The following EPB41 variants were observed in gnomAD, a reference collection of about 807,000 sequenced individuals.
The protein encoded by EPB41 is protein 4.1.
A neutral mutation model predicts 108.0 loss-of-function variants in EPB41; 65 were observed. The observed-to-expected ratio is 0.60, with a 90% CI of 0.49 to 0.74. EPB41 has a LOEUF of 0.74. Ranked by LOEUF, EPB41 falls within the 30% of genes least tolerant of loss-of-function variation. The pLI is 0.00. For missense variants in EPB41, 875 were observed against 1,037.0 expected (o/e 0.84, Z 2.15); for synonymous variants, 336 against 358.9 (o/e 0.94, Z 0.72).
rs374138601 is a variant in EPB41, at chr1:28,894,967, G to A, written c.-8+7757G>A. On this transcript the variant is annotated intron_variant, in intron 1 of 16. Transcript: ENST00000347529. ...TCCCAGCAGACTGGCCAGGGCCCTG[G>A]GATAAGGGCTGGGCTCTGCCTGGTG... Among the ~76,000 whole-genome samples the A allele has an allele frequency of 3.3e-4, 51 of 152,278 alleles. No individual in the cohort carries two copies. The East Asian group carries it at 9.3e-3, about 28-fold the overall frequency.
At chr1:28,951,518 G>A (rs971488501) in intron 1 of EPB41, among the ~76,000 whole-genome samples, 4 of 152,178 alleles carry the variant, frequency 2.6e-5, no homozygotes, top group African/African-American at 9.7e-5. Flanking sequence ...GGCCTAGGCA[G>A]ACAGAAGTTG....
At chr1:29,040,150 C>T (rs964605415) in intron 11 of EPB41, among the ~76,000 whole-genome samples, 28 of 152,006 alleles carry the variant, frequency 1.8e-4, no homozygotes, top group Non-Finnish European at 3.1e-4. Context: ...GCAGTGTGCA[C>T]CTCTGTACTC....
intron 7 of EPB41, among the ~76,000 whole-genome samples, chr1:29,029,295 T>C (rs1415159707): frequency 1.2e-4 from 18 of 152,208 alleles, no homozygotes; most frequent in Non-Finnish European, 2.9e-5. Context: ...GATGCTTCAG[T>C]GCTTGTGAAA....
chr1:28,993,837 T>C (rs1572098384), intron 3 of EPB41, among the ~76,000 whole-genome samples: 1 of 151,972 alleles, frequency 6.6e-6, no homozygotes, highest in Non-Finnish European at 1.5e-5. Flanking sequence ...TTTGTATTTT[T>C]AGTAGAGACA....
At chr1:29,024,687 C>T (rs1012466100) in intron 7 of EPB41, among the ~76,000 whole-genome samples, 1 of 151,674 alleles carries the variant, frequency 6.6e-6, no homozygotes, top group East Asian at 1.9e-4. Context: ...AATTCTTATC[C>T]TCACTTCACA....
chr1:29,075,444 C>A (rs1653620917), intron 16 of EPB41, among the ~76,000 whole-genome samples: 3 of 152,126 alleles, frequency 2.0e-5, no homozygotes, highest in South Asian at 4.1e-4. Context: ...CGCCACTGTA[C>A]TCCAGCCTGG....
At chr1:28,891,118 T>C (rs1569859526) in intron 1 of EPB41, 2 of 441,812 alleles carry the variant, frequency 4.5e-6, no homozygotes, top group Non-Finnish European at 6.0e-6. Context: ...GGTGCAAGAC[T>C]GGGCACTGAA....
intron 1 of EPB41, chr1:28,982,577 G>T (rs1352746069): frequency 8.0e-6 from 12 of 1,504,816 alleles, no homozygotes; most frequent in Non-Finnish European, 1.1e-5. Flanking sequence ...GCCAGGACAA[G>T]CACCACCTTC....
intron 1 of EPB41, among the ~76,000 whole-genome samples, chr1:28,898,856 A>G (rs1214572590): frequency 6.6e-6 from 1 of 152,240 alleles, no homozygotes; most frequent in African/African-American, 2.4e-5. Context: ...GCCTTGAAAC[A>G]GGACACATAT....
intron 1 of EPB41, among the ~76,000 whole-genome samples, chr1:28,931,822 C>T (rs2093765058): frequency 6.6e-6 from 1 of 152,088 alleles, no homozygotes; most frequent in South Asian, 2.1e-4. Context: ...GCGTGAGCCA[C>T]CGCGCCCGAC....
chr1:29,096,683 G>A, intron 16 of EPB41: 1 of 801,306 alleles, frequency 1.2e-6, no homozygotes, highest in Non-Finnish European at 1.5e-6. Context: ...AGGAGGTGGT[G>A]GTGGTATGGT....
At chr1:29,003,912 A>G (rs2096351701) in intron 4 of EPB41, among the ~76,000 whole-genome samples, 1 of 152,076 alleles carries the variant, frequency 6.6e-6, no homozygotes, top group Admixed American at 6.6e-5. Flanking sequence ...ACAGGCGCCC[A>G]CCACCACAGC....
intron 18 of EPB41, among the ~76,000 whole-genome samples, chr1:29,110,239 G>C (rs1252822020): frequency 6.6e-6 from 1 of 152,062 alleles, no homozygotes; most frequent in Non-Finnish European, 1.5e-5. Context: ...CGGCTACTTG[G>C]GAGGCTGAGG....
At chr1:28,969,818 G>A (rs530054251) in intron 1 of EPB41, among the ~76,000 whole-genome samples, 3 of 152,212 alleles carry the variant, frequency 2.0e-5, no homozygotes, top group East Asian at 1.9e-4. Flanking sequence ...GGAGAATGGC[G>A]TGAACCTGGG....
At chr1:29,070,324 A>G (rs1650733826) in intron 16 of EPB41, 3 of 1,219,324 alleles carry the variant, frequency 2.5e-6, no homozygotes, top group African/African-American at 1.6e-5. Flanking sequence ...CATTTTGTTC[A>G]TCTTATTCTG....
intron 1 of EPB41, among the ~76,000 whole-genome samples, chr1:28,953,457 A>G (rs1325303762): frequency 6.6e-6 from 1 of 152,182 alleles, no homozygotes; most frequent in East Asian, 1.9e-4. Context: ...GACCAGATGA[A>G]ACATAGACAA....
chr1:29,060,421 GA>G lies in EPB41; in HGVS notation c.1949del (p.Lys650ArgfsTer5). On this transcript the variant is annotated frameshift_variant and splice_region_variant, in exon 15 of 21. Transcript: ENST00000343067. LOFTEE classifies it high-confidence loss of function. Reference protein sequence around the residue: ...KTEDLIRMRKKKRERLDGENI... With the variant: ...KTEDLIRMRKXKRERLDGENI... ...TGTTTTCCCCCCTTTCATTTTCACA[GA>G]AAAAGAGAGAAAGACTAGATGGTGA... 6.2e-7 allele frequency: 1 copy of G among 1,611,682 alleles called. No homozygotes were observed. The highest frequency in any genetic ancestry group is 1.3e-5 in the African/African-American group (1 of 74,946).
intron 1 of EPB41, among the ~76,000 whole-genome samples, chr1:28,895,933 A>ACACACACT (rs2090616812): frequency 6.6e-6 from 1 of 152,174 alleles, no homozygotes; most frequent in Admixed American, 6.5e-5. Context: ...AAATTCATGC[A>ACACACACT]CACACACTGC....
intron 1 of EPB41, among the ~76,000 whole-genome samples, chr1:28,955,155 C>G (rs2094893172): frequency 6.6e-6 from 1 of 152,184 alleles, no homozygotes. Flanking sequence ...AGCGTTACCA[C>G]TTGCTAATAA....
Sources: gnomAD v4.1 joint callset for allele counts (sites outside exome capture counted in the v4.1 genomes callset) on GRCh38, gnomAD v4.1.1 for gene constraint, MANE v1.5 for transcripts, NCBI Gene and HGNC (gene_info 2026-07-23, HGNC 2026-07-21) for gene names.